Variants in ADGRL2 observed in about 807,000 individuals in gnomAD.
ADGRL2 encodes adhesion G protein-coupled receptor L2.
Under a neutral mutation model 157.4 loss-of-function variants are expected in ADGRL2, and 44 were observed. The ratio of observed to expected loss-of-function variants is 0.28; its 90% CI spans 0.22 to 0.36. ADGRL2 has a LOEUF of 0.36. Among genes scored for constraint, ADGRL2 ranks in the 10% least tolerant of loss-of-function variants. The probability of loss-of-function intolerance (pLI) is 1.00; values close to 1 mark genes in which losing one functional copy is unlikely to be tolerated. For synonymous variants in ADGRL2, 585 were observed against 624.7 expected (o/e 0.94, Z 0.95); for missense variants, 1,510 against 1,768.9 (o/e 0.85, Z 2.63).
At position 81,919,901 on chromosome 1, in the gene ADGRL2, C is replaced by T. The variant is rs545058858; in HGVS notation, c.287+12671C>T. Among the ~76,000 whole-genome samples, 368 of 152,202 alleles carry T rather than the reference C, an allele frequency of 2.4e-3. 2 individuals carry two copies. Among genetic ancestry groups the T allele is most frequent in the African/African-American group, 8.6e-3 (356 of 41,538 alleles). On this transcript the variant is annotated intron_variant, in intron 3 of 23. Transcript: ENST00000686636. ...ATATATCTTGCCATTTATTTCAACCCTTGATGAGTAGACCTTTATTAAGCT... is the reference window on the plus strand; with the variant it reads ...ATATATCTTGCCATTTATTTCAACCTTTGATGAGTAGACCTTTATTAAGCT...
intron 1 of ADGRL2, among the ~76,000 whole-genome samples, chr1:81,376,194 A>G (rs2076246748): frequency 1.3e-5 from 2 of 152,224 alleles, no homozygotes; most frequent in Admixed American, 6.5e-5. Context: ...AAACTGTAAA[A>G]TCCAAAGCTG....
At position 81,639,540 on chromosome 1, in the gene ADGRL2, C is replaced by CAAAAAAA. The variant is rs56281820; in HGVS notation, c.-143+58579_-143+58585dup. The stretch of plus-strand genomic sequence containing the variant: ...CCAATGTAGTGAGACTCCATCTCTA[C>CAAAAAAA]AAAAAAAAAAAAAAAAAAAAAAAAA... On this transcript the variant is annotated intron_variant, in intron 3 of 24. Coordinates refer to the ADGRL2 transcript ENST00000370721. Among the ~76,000 whole-genome samples, 26 of 82,992 alleles carry CAAAAAAA rather than the reference C, an allele frequency of 3.1e-4. 1 individual carries two copies. Among genetic ancestry groups the CAAAAAAA allele is most frequent in the South Asian group, 6.6e-4 (1 of 1,506 alleles). The allele number at this position is 82,992 out of a possible 152,430, so 54.4% of individuals were successfully genotyped here.
intron 1 of ADGRL2, among the ~76,000 whole-genome samples, chr1:81,376,576 C>A (rs1420594357): frequency 6.6e-6 from 1 of 150,888 alleles, no homozygotes; most frequent in Non-Finnish European, 1.5e-5. Flanking sequence ...TCCTTCCCTC[C>A]TTCCTTCCTT....
At chr1:81,939,645 G>C (rs192055710) in intron 4 of ADGRL2, among the ~76,000 whole-genome samples, 1 of 151,394 alleles carries the variant, frequency 6.6e-6, no homozygotes, top group East Asian at 1.9e-4. Context: ...TGATGTTCGT[G>C]GGTCATATAC....
chr1:81,420,354 C>T (rs1177362184), intron 1 of ADGRL2, among the ~76,000 whole-genome samples: 1 of 152,138 alleles, frequency 6.6e-6, no homozygotes, highest in Non-Finnish European at 1.5e-5. Flanking sequence ...TCTATTCATC[C>T]ATCTATCTAA....
chr1:81,351,784 T>A (rs1662911696), intron 1 of ADGRL2, among the ~76,000 whole-genome samples: 1 of 152,212 alleles, frequency 6.6e-6, no homozygotes, highest in African/African-American at 2.4e-5. Context: ...TACTTGCTTT[T>A]TAAGAACCTG....
intron 1 of ADGRL2, among the ~76,000 whole-genome samples, chr1:81,817,093 A>T: frequency 6.6e-6 from 1 of 151,148 alleles, no homozygotes; most frequent in Non-Finnish European, 1.5e-5. Context: ...CACCCCTCAC[A>T]CTTCTCCCAC....
intron 2 of ADGRL2, among the ~76,000 whole-genome samples, chr1:81,866,236 G>T (rs1195064947): frequency 1.1e-4 from 17 of 151,992 alleles, no homozygotes; most frequent in Admixed American, 1.0e-3. Flanking sequence ...TTTAGGCCTT[G>T]GTTCTAATTA....
At chr1:81,755,823 T>C (rs561335160) in intron 1 of ADGRL2, among the ~76,000 whole-genome samples, 70 of 152,230 alleles carry the variant, frequency 4.6e-4, no homozygotes, top group Admixed American at 1.4e-3. Flanking sequence ...ATGCCTGCTG[T>C]ATTAAGCCCA....
upstream of ADGRL2, among the ~76,000 whole-genome samples, chr1:81,798,589 A>G (rs1210991304): frequency 2.6e-5 from 4 of 151,930 alleles, no homozygotes; most frequent in African/African-American, 9.7e-5. Flanking sequence ...GTATAATTTT[A>G]ATTCACTTTT....
chr1:81,644,444 T>C (rs951749923), intron 3 of ADGRL2, among the ~76,000 whole-genome samples: 1 of 152,186 alleles, frequency 6.6e-6, no homozygotes, highest in Non-Finnish European at 1.5e-5. Context: ...AGTCACAGAC[T>C]GGGAGAAAAT....
At chr1:81,494,287 T>G (rs1391132618) in intron 2 of ADGRL2, among the ~76,000 whole-genome samples, 1 of 152,154 alleles carries the variant, frequency 6.6e-6, no homozygotes, top group Non-Finnish European at 1.5e-5. Flanking sequence ...CAAGATAATG[T>G]GTCCCATTTT....
At chr1:81,653,673 CT>C (rs976513838) in intron 3 of ADGRL2, among the ~76,000 whole-genome samples, 2 of 151,930 alleles carry the variant, frequency 1.3e-5, no homozygotes, top group African/African-American at 4.8e-5. Flanking sequence ...ATATGTGTAT[CT>C]TTTTTAATGT....
chr1:81,503,559 G>A lies in ADGRL2; in HGVS notation c.-248+58470G>A. 12 of 1,440,702 alleles carry A rather than the reference G, an allele frequency of 8.3e-6. No individual in the cohort carries two copies. The South Asian group carries it at 1.4e-4, about 17-fold the overall frequency. The allele number at this position is 1,440,702 out of a possible 1,614,324, so 89.2% of individuals were successfully genotyped here. A position where few individuals can be genotyped will look rare whatever the true frequency, so the allele number is the denominator to read the frequency against. On this transcript the variant is annotated intron_variant, in intron 2 of 24. Coordinates refer to the ADGRL2 transcript ENST00000370721. ...ATTTACCTCATCTCACGGAGCCCAC[G>A]TCGACGAGCACCATTTGGCCAGACA...
At chr1:81,319,077 G>T (rs1660315442) in intron 1 of ADGRL2, among the ~76,000 whole-genome samples, 1 of 150,708 alleles carries the variant, frequency 6.6e-6, no homozygotes, top group South Asian at 2.1e-4. Context: ...GAGTAGCTGG[G>T]ATTACAGGCA....
chr1:81,535,007 T>G (rs2079698964), intron 2 of ADGRL2, among the ~76,000 whole-genome samples: 1 of 152,168 alleles, frequency 6.6e-6, no homozygotes, highest in African/African-American at 2.4e-5. Flanking sequence ...ACCTCTCTTT[T>G]TAACCCACAA....
chr1:81,676,390 C>T lies in ADGRL2; in HGVS notation c.-142-85421C>T, dbSNP rs189993072. 1.8e-3 allele frequency among the ~76,000 whole-genome samples: 268 copies of T among 152,174 alleles called. 1 individual carries two copies. Among genetic ancestry groups the T allele is most frequent in the African/African-American group, 6.3e-3 (262 of 41,516 alleles). ...GTTGTACAATCACAGTCCAACCTCCCGGGTTCAAGTGATCCTACCACCTCA... is the reference window on the plus strand; with the variant it reads ...GTTGTACAATCACAGTCCAACCTCCTGGGTTCAAGTGATCCTACCACCTCA... On this transcript the variant is annotated intron_variant, in intron 3 of 24. Transcript: ENST00000370721.
intron 1 of ADGRL2, among the ~76,000 whole-genome samples, chr1:81,338,378 AC>A (rs971564322): frequency 2.6e-5 from 4 of 151,872 alleles, no homozygotes; most frequent in African/African-American, 9.7e-5. Flanking sequence ...ACAAAACAAA[AC>A]AAAACACAAA....
chr1:81,323,433 G>A (rs1227067312), intron 1 of ADGRL2, among the ~76,000 whole-genome samples: 1 of 35,572 alleles, frequency 2.8e-5, no homozygotes, highest in African/African-American at 1.2e-4. Context: ...TTTTTTTTTT[G>A]TAGAGAATAG....
Sources: gnomAD v4.1 joint callset for allele counts (sites outside exome capture counted in the v4.1 genomes callset) on GRCh38, gnomAD v4.1.1 for gene constraint, MANE v1.5 for transcripts, NCBI Gene and HGNC (gene_info 2026-07-23, HGNC 2026-07-21) for gene names.